Variants in RCAN2 observed in about 807,000 individuals in gnomAD.
The protein encoded by RCAN2 is regulator of calcineurin 2.
In RCAN2, 9 loss-of-function variants were observed where a neutral mutation model predicts 23.6. That is an observed-to-expected ratio of 0.38 (90% CI 0.23 to 0.67). The LOEUF is 0.67. Ranked by LOEUF, RCAN2 falls within the 30% of genes least tolerant of loss-of-function variation. The probability of loss-of-function intolerance (pLI) is 0.51; values close to 1 mark genes in which losing one functional copy is unlikely to be tolerated. For synonymous variants in RCAN2, 109 were observed against 115.7 expected (o/e 0.94, Z 0.37); for missense variants, 273 against 302.3 (o/e 0.90, Z 0.72).
At position 46,404,575 on chromosome 6, in the gene RCAN2, A is replaced by C. The variant is rs1047906828; in HGVS notation, c.225+52177T>G. On this transcript the variant is annotated intron_variant, in intron 2 of 4. Transcript: ENST00000371374. ...TCTAGAAATTTAATAGAAACCATAA[A>C]ATATGTATATCTTTAATATAGCCTA... 9.2e-5 allele frequency among the ~76,000 whole-genome samples: 14 copies of C among 152,344 alleles called. No homozygotes were observed. The South Asian group carries it at 1.0e-3, about 11-fold the overall frequency.
intron 2 of RCAN2, among the ~76,000 whole-genome samples, chr6:46,256,626 TAGAG>T (rs1766927037): frequency 1.3e-5 from 2 of 152,196 alleles, no homozygotes; most frequent in African/African-American, 4.8e-5. Context: ...ATTGCTGTCT[TAGAG>T]AGGCTTACTG....
chr6:46,358,967 T>C (rs1764920883), intron 2 of RCAN2, among the ~76,000 whole-genome samples: 1 of 152,240 alleles, frequency 6.6e-6, no homozygotes, highest in South Asian at 2.1e-4. Context: ...TAGAAAATCC[T>C]GCTGTGTTTA....
Position 46,246,798 on chromosome 6 carries a change from G to A in RCAN2, c.521C>T (p.Thr174Met), listed in dbSNP as rs201789783. The part of the protein sequence containing the change: ...PVGWQPINDA[T>M]PVLNYDLLYA... ...GAGGAGGTCATAGTTGAGGACTGGC[G>A]TGGCATCGTTGATGGGCTGCCAGCC... The change falls in exon 4 of 5, where the codon ACG becomes ATG. Residue 174 changes from threonine to methionine, a missense_variant. Physicochemically the swap from Thr to Met is moderately conservative, Grantham distance 81 (BLOSUM62 -1). Coordinates refer to ENST00000371374, the MANE Select transcript of RCAN2 (RefSeq NM_001251974.2). 3.7e-5 allele frequency: 59 copies of A among 1,613,694 alleles called. No individual in the cohort carries two copies. In the East Asian group the frequency reaches 4.5e-4, roughly 12 times the overall value.
At chr6:46,397,682 C>A (rs1178602012) in intron 2 of RCAN2, among the ~76,000 whole-genome samples, 1 of 151,820 alleles carries the variant, frequency 6.6e-6, no homozygotes, top group Non-Finnish European at 1.5e-5. Flanking sequence ...AAAATAAATG[C>A]CCTATAATAT....
intron 2 of RCAN2, among the ~76,000 whole-genome samples, 163 bp downstream of exon 2, chr6:46,456,589 T>C (rs552368278): frequency 3.3e-5 from 5 of 152,216 alleles, no homozygotes; most frequent in Admixed American, 6.5e-5. Flanking sequence ...CTAAAGTTAG[T>C]TGATAATAGA....
In RCAN2 at chr6:46,246,107, AAAT is replaced by A. The variant is rs1225867308; in HGVS notation, c.571+638_571+640del. 1.8e-4 allele frequency among the ~76,000 whole-genome samples: 28 copies of A among 152,216 alleles called. 1 individual carries two copies. Among genetic ancestry groups the A allele is most frequent in the African/African-American group, 6.8e-4 (28 of 41,460 alleles). The stretch of plus-strand genomic sequence containing the variant: ...TTGATTGTAATAGCAAAAAACCTGG[AAAT>A]AATCTAAATGTCCATCAACAGGAGA... On this transcript the variant is annotated intron_variant, in intron 4 of 4. Coordinates refer to ENST00000371374, the MANE Select transcript of RCAN2 (RefSeq NM_001251974.2).
At chr6:46,481,816 T>C (rs775639248) in intron 1 of RCAN2, among the ~76,000 whole-genome samples, 15 of 152,282 alleles carry the variant, frequency 9.9e-5, no homozygotes, top group South Asian at 2.1e-4. Context: ...ATTGCCATGA[T>C]TGACAATAGA....
chr6:46,292,444 T>TTG (rs1561845769), intron 2 of RCAN2, among the ~76,000 whole-genome samples: 5 of 150,548 alleles, frequency 3.3e-5, no homozygotes, highest in Non-Finnish European at 7.4e-5. Context: ...TTTTGTTTTT[T>TTG]TTTTTGGTGG....
chr6:46,246,415 G>T (rs1766514788), intron 4 of RCAN2, among the ~76,000 whole-genome samples: 1 of 152,128 alleles, frequency 6.6e-6, no homozygotes, highest in African/African-American at 2.4e-5. Flanking sequence ...GGTTCATTTT[G>T]TCTGTTCTGA....
At chr6:46,318,172 C>A (rs996393013) in intron 2 of RCAN2, among the ~76,000 whole-genome samples, 2 of 152,146 alleles carry the variant, frequency 1.3e-5, no homozygotes, top group African/African-American at 2.4e-5. Context: ...GTTTGGGGTA[C>A]AGCATGAACA....
rs75465591 is a variant in RCAN2 at position 46,359,187 on chromosome 6, C to T, written c.225+97565G>A. ...TGAAATCACATTTTGAAAACCACTG[C>T]TCTAAGGCGTAACAGGTGCCCAACC... On this transcript the variant is annotated intron_variant, in intron 2 of 4. Transcript: ENST00000371374. Among the ~76,000 whole-genome samples, 223 of 152,300 alleles carry T rather than the reference C, an allele frequency of 1.5e-3. 1 individual carries two copies. The highest frequency in any genetic ancestry group is 5.0e-3 in the African/African-American group (209 of 41,556).
At chr6:46,248,278 C>T (rs1312783520) in intron 3 of RCAN2, among the ~76,000 whole-genome samples, 1 of 152,168 alleles carries the variant, frequency 6.6e-6, no homozygotes. Context: ...AAAAGTTATA[C>T]ATTCCACTAA....
intron 1 of RCAN2, among the ~76,000 whole-genome samples, chr6:46,489,321 C>T (rs1769075651): frequency 6.6e-6 from 1 of 152,168 alleles, no homozygotes; most frequent in Non-Finnish European, 1.5e-5. Context: ...GAATCATTAC[C>T]ATTTATTTTC....
rs185276559 is a variant in RCAN2, at chr6:46,246,606, C to T, written c.571+142G>A. The T allele has an allele frequency of 1.0e-5, 7 of 691,332 alleles. No homozygotes were observed. In the Admixed American group the frequency reaches 1.9e-4, roughly 19 times the overall value. 42.8% of individuals were successfully genotyped at this position (691,332 alleles called of 1,614,324 possible). A position where few individuals can be genotyped will look rare whatever the true frequency, so the allele number is the denominator to read the frequency against. On this transcript the variant is annotated intron_variant, in intron 4 of 4. Transcript: ENST00000371374. Reference sequence around the variant, plus strand: ...GATGCTGCATTCTCATCCATCATTCCCTCTCATTGTCCACACAGAGGAATA... The same window carrying T: ...GATGCTGCATTCTCATCCATCATTCTCTCTCATTGTCCACACAGAGGAATA...
intron 2 of RCAN2, among the ~76,000 whole-genome samples, chr6:46,394,570 A>C (rs1263426001): frequency 2.0e-5 from 3 of 152,158 alleles, no homozygotes; most frequent in African/African-American, 7.2e-5. Flanking sequence ...TATACTTTCA[A>C]TTCATTCCCT....
chr6:46,235,714 A>T (rs1193882643), intron 4 of RCAN2, among the ~76,000 whole-genome samples: 3 of 151,870 alleles, frequency 2.0e-5, no homozygotes, highest in Non-Finnish European at 4.4e-5. Flanking sequence ...GTAATCAGTC[A>T]CCAAGCACTA....
At chr6:46,348,416 C>T (rs1764551305) in intron 2 of RCAN2, among the ~76,000 whole-genome samples, 1 of 152,140 alleles carries the variant, frequency 6.6e-6, no homozygotes, top group South Asian at 2.1e-4. Context: ...GCAATGGACT[C>T]TAGAACCCCT....
chr6:46,406,374 A>T (rs1766407534), intron 2 of RCAN2, among the ~76,000 whole-genome samples: 1 of 152,162 alleles, frequency 6.6e-6, no homozygotes, highest in African/African-American at 2.4e-5. Context: ...TATATATATG[A>T]CCTAATTTTC....
intron 2 of RCAN2, among the ~76,000 whole-genome samples, chr6:46,366,307 C>T (rs1399572197): frequency 1.3e-5 from 2 of 152,122 alleles, no homozygotes; most frequent in Non-Finnish European, 2.9e-5. Context: ...TCTCCCCAGG[C>T]AAAAATTCTA....
Sources: allele counts gnomAD v4.1 joint callset (sites outside exome capture counted in the v4.1 genomes callset), GRCh38; gene constraint gnomAD v4.1.1; transcripts MANE v1.5; gene names NCBI Gene and HGNC (gene_info 2026-07-23, HGNC 2026-07-21).